Variants in PHF1 observed in about 807,000 individuals in gnomAD.
PHF1 encodes PHD finger protein 1.
Under a neutral mutation model 69.4 loss-of-function variants are expected in PHF1, and 16 were observed. The ratio of observed to expected loss-of-function variants is 0.23; its 90% CI spans 0.16 to 0.35. The LOEUF is 0.35. Among genes scored for constraint, PHF1 ranks in the 10% least tolerant of loss-of-function variants. The pLI is 1.00. For missense variants in PHF1, 515 were observed against 732.8 expected (o/e 0.70, Z 3.43); for synonymous variants, 274 against 275.0 (o/e 1.00, Z 0.04).
At position 33,416,208 on chromosome 6, in the gene PHF1, C is replaced by T; in HGVS notation, c.*110C>T. On this transcript the variant is annotated 3_prime_UTR_variant, in exon 15 of 15. Coordinates refer to ENST00000374516, the MANE Select transcript of PHF1 (RefSeq NM_024165.3). ...ACCTGGAGAGATAGGGGGTAGTTCT[C>T]CCTACTGCCCAGGCTGGAATCCAAG... The T allele has an allele frequency of 3.3e-6, 3 of 916,218 alleles. No homozygotes were observed. The highest frequency in any genetic ancestry group is 4.7e-6 in the Non-Finnish European group (3 of 640,726). The allele number at this position is 916,218 out of a possible 1,614,324, so 56.8% of individuals were successfully genotyped here.
At position 33,415,745 on chromosome 6, in the gene PHF1, T is replaced by G. The variant is rs1776426254; in HGVS notation, c.1416-65T>G. 5 of 1,603,840 alleles carry G rather than the reference T, an allele frequency of 3.1e-6. No homozygotes were observed. In the Admixed American group the frequency reaches 8.4e-5, roughly 27 times the overall value. Reference sequence around the variant, plus strand: ...GCTCAAGGCTCTTAGTCTCTAACACTGTTTCTCTGATTCACATGTGCTCTC... The same window carrying G: ...GCTCAAGGCTCTTAGTCTCTAACACGGTTTCTCTGATTCACATGTGCTCTC... On this transcript the variant is annotated intron_variant, in intron 14 of 14. Transcript: ENST00000374516.
rs2151111059 is a variant in PHF1, at chr6:33,415,068, G to A, written c.1163G>A (p.Gly388Glu). The change falls in exon 12 of 15, where the codon GGG (glycine) becomes GAG (glutamate). Residue 388 changes from glycine (G) to glutamate (E), a missense_variant. Physicochemically the swap from Gly to Glu is moderately conservative, Grantham distance 98. Coordinates refer to ENST00000374516, the MANE Select transcript of PHF1 (RefSeq NM_024165.3). ...CAGAAGGGGAAAGTGGAGGAGCTGG[G>A]GCCACCCTCAGCAGTGCGCAATCAG... ...RRQKGKVEEL[G>E]PPSAVRNQPE... The A allele has an allele frequency of 6.2e-7, 1 of 1,610,344 alleles. No homozygotes were observed. The highest frequency in any genetic ancestry group is 2.2e-5 in the East Asian group (1 of 44,638).
chr6:33,412,870 T>C lies in PHF1; in HGVS notation c.337+77T>C, dbSNP rs774706003. ...GTCTCTATATCACCTGTCCTGGCCT[T>C]AGTCCCCAAGCCACTGCTCTGGCCA... On this transcript the variant is annotated intron_variant, in intron 4 of 14. Transcript: ENST00000374516. This position sits in a 1 kb window ranked among gnomAD's most constrained non-coding sequence, Gnocchi z 4.2. 12 of 1,237,072 alleles carry C rather than the reference T, an allele frequency of 9.7e-6. No individual in the cohort carries two copies. Among genetic ancestry groups the C allele is most frequent in the Non-Finnish European group, 1.4e-5 (12 of 841,194 alleles). The allele number at this position is 1,237,072 out of a possible 1,614,324, so 76.6% of individuals were successfully genotyped here. A position where few individuals can be genotyped will look rare whatever the true frequency, so the allele number is the denominator to read the frequency against.
rs1562855179 is a variant in PHF1, at chr6:33,414,596, G to A, written c.944+52G>A. The A allele has an allele frequency of 1.8e-5, 28 of 1,596,572 alleles. No individual in the cohort carries two copies. The highest frequency in any genetic ancestry group is 2.4e-5 in the Non-Finnish European group (28 of 1,164,548). On this transcript the variant is annotated intron_variant, in intron 10 of 14. Transcript: ENST00000374516. The surrounding 1 kb of genome is among the most constrained non-coding windows in gnomAD (Gnocchi z 5.0). Reference sequence around the variant, plus strand: ...GATGAGGCTCGGAAAGAGATGGAGAGTGGAAGCCTGGAAGGGGAGGGGCTT... The same window carrying A: ...GATGAGGCTCGGAAAGAGATGGAGAATGGAAGCCTGGAAGGGGAGGGGCTT...
Position 33,415,664 on chromosome 6 carries a change from C to T in PHF1, c.1409C>T (p.Pro470Leu). 6.2e-7 allele frequency: 1 copy of T among 1,613,920 alleles called. No homozygotes were observed. Among genetic ancestry groups the T allele is most frequent in the Non-Finnish European group, 8.5e-7 (1 of 1,179,808 alleles). Residue 470 changes from proline (P) to leucine (L), a missense_variant, in exon 14 of 15, where the codon CCA becomes CTA. Transcript: ENST00000374516. ...TAGTSGDSGP[P>L]DRSPLELHIG... ...GGGACCTCTGGGGACAGTGGACCCC[C>T]AGACAGGTGAGATTCTGTCTTCTAT...
rs1776287326 is a variant in PHF1 at position 33,414,425 on chromosome 6, G to C, written c.877-52G>C. On this transcript the variant is annotated intron_variant, in intron 9 of 14. Coordinates refer to ENST00000374516, the MANE Select transcript of PHF1 (RefSeq NM_024165.3). The surrounding 1 kb of genome is among the most constrained non-coding windows in gnomAD (Gnocchi z 5.0). ...GGACAGGGAGATGTAGCGGAAAGGG[G>C]AAGAGAAGAAATCACTGCTCCCCTG... The C allele has an allele frequency of 6.2e-7, 1 of 1,613,634 alleles. No individual in the cohort carries two copies. The highest frequency in any genetic ancestry group is 1.3e-5 in the African/African-American group (1 of 74,846).
In PHF1 at chr6:33,414,489, C is replaced by T; in HGVS notation, c.889C>T (p.Pro297Ser). 2 of 1,613,956 alleles carry T rather than the reference C, an allele frequency of 1.2e-6. No individual in the cohort carries two copies. The highest frequency in any genetic ancestry group is 1.7e-6 in the Non-Finnish European group (2 of 1,179,920). ...SLLLGELSDT[P>S]KGERSSRLLS... Reference sequence around the variant, plus strand: ...TCATTTCTCCCAGCTTTCAGACACCCCCAAAGGAGAACGTTCTTCCAGGCT... The same window carrying T: ...TCATTTCTCCCAGCTTTCAGACACCTCCAAAGGAGAACGTTCTTCCAGGCT... Residue 297 changes from proline to serine, a missense_variant, in exon 10 of 15, where the codon CCC (proline) becomes TCC (serine). This residue lies in a region of PHF1 where 142 missense variants were observed against 309.7 expected (regional missense o/e 0.46). Coordinates refer to ENST00000374516, the MANE Select transcript of PHF1 (RefSeq NM_024165.3). The surrounding 1 kb of genome is among the most constrained non-coding windows in gnomAD (Gnocchi z 5.0).
In PHF1 at chr6:33,413,226, C is replaced by T. The variant is rs768780021; in HGVS notation, c.368C>T (p.Ala123Val). 1 of 1,614,028 alleles carries T rather than the reference C, an allele frequency of 6.2e-7. No individual in the cohort carries two copies. Among genetic ancestry groups the T allele is most frequent in the Non-Finnish European group, 8.5e-7 (1 of 1,179,982 alleles). The change falls in exon 5 of 15, where the codon GCT (alanine) becomes GTT (valine). Residue 123 changes from alanine to valine, a missense_variant. Transcript: ENST00000374516. The stretch of plus-strand genomic sequence containing the variant: ...CACCAGGACTGCCATGTTCCCAGGG[C>T]TCCAGCCCCTGGAGAGGGAGAGGGC... ...AYHQDCHVPRAPAPGEGEGTS... is the reference protein window; with the variant it reads ...AYHQDCHVPRVPAPGEGEGTS...
Position 33,415,267 on chromosome 6 carries a change from C to G in PHF1, c.1272C>G (p.Asn424Lys), listed in dbSNP as rs150787838. The G allele has an allele frequency of 1.2e-6, 2 of 1,613,824 alleles. No homozygotes were observed. The highest frequency in any genetic ancestry group is 8.5e-7 in the Non-Finnish European group (1 of 1,179,922). ...TGTCTCCACCATCCCCCAGCCCTAACCAGAGTTACCAGGGCAGCAGCGGCT... is the reference window on the plus strand; with the variant it reads ...TGTCTCCACCATCCCCCAGCCCTAAGCAGAGTTACCAGGGCAGCAGCGGCT... Reference protein sequence around the residue: ...ASVSPPSPSPNQSYQGSSGYN... With the variant: ...ASVSPPSPSPKQSYQGSSGYN... The change falls in exon 13 of 15, where the codon AAC becomes AAG. Residue 424 changes from asparagine to lysine, a missense_variant. Transcript: ENST00000374516.
chr6:33,415,770 C>T (rs992677419), intron 14 of PHF1, 40 bp from the exon 15 acceptor site: 4 of 1,596,540 alleles, frequency 2.5e-6, no homozygotes, highest in Non-Finnish European at 8.6e-7. Flanking sequence ...CATGTGCTCT[C>T]CATTTCTGCC....
rs988553563 is a variant in PHF1 at position 33,414,199 on chromosome 6, G to A, written c.753-44G>A. 1.2e-6 allele frequency: 2 copies of A among 1,613,992 alleles called. No homozygotes were observed. The highest frequency in any genetic ancestry group is 1.7e-6 in the Non-Finnish European group (2 of 1,179,908). ...AACCTCCCACCTCAGGACTCCCCTG[G>A]CTCTTAAAATGCCTCTGTGGTCTTG... On this transcript the variant is annotated intron_variant, in intron 8 of 14. Coordinates refer to ENST00000374516, the MANE Select transcript of PHF1 (RefSeq NM_024165.3). The surrounding 1 kb of genome is among the most constrained non-coding windows in gnomAD (Gnocchi z 5.0).
At position 33,415,791 on chromosome 6, in the gene PHF1, AAT is replaced by A; in HGVS notation, c.1416-18_1416-17del. The A allele has an allele frequency of 1.3e-6, 2 of 1,594,786 alleles. No homozygotes were observed. The highest frequency in any genetic ancestry group is 8.6e-7 in the Non-Finnish European group (1 of 1,166,354). On this transcript the variant is annotated splice_polypyrimidine_tract_variant and intron_variant, in intron 14 of 14. Transcript: ENST00000374516. ...CTCTCCATTTCTGCCCATTTCTTAC[AAT>A]TGCCTTCTCTCCCTAGGTCACCCCT... is the stretch of plus-strand genomic sequence containing the variant.
upstream of PHF1, chr6:33,410,650 G>A (rs1775956731): frequency 7.0e-6 from 1 of 142,516 alleles, no homozygotes. Context: ...GTGAACTGGG[G>A]CCGGGGGGCG....
chr6:33,413,599 G>GGT (rs1776235080), intron 6 of PHF1, 42 bp downstream of exon 6: 4 of 1,612,312 alleles, frequency 2.5e-6, no homozygotes, highest in African/African-American at 1.3e-5. Context: ...TGAATGATGT[G>GGT]GTGGTGGATC....
At position 33,412,937 on chromosome 6, in the gene PHF1, A is replaced by T; in HGVS notation, c.337+144A>T. 2 of 743,432 alleles carry T rather than the reference A, an allele frequency of 2.7e-6. No individual in the cohort carries two copies. The highest frequency in any genetic ancestry group is 2.3e-6 in the Non-Finnish European group (1 of 436,942). The allele number at this position is 743,432 out of a possible 1,614,324, so 46.1% of individuals were successfully genotyped here. A position where few individuals can be genotyped will look rare whatever the true frequency, so the allele number is the denominator to read the frequency against. On this transcript the variant is annotated intron_variant, in intron 4 of 14. Transcript: ENST00000374516. The surrounding 1 kb of genome is among the most constrained non-coding windows in gnomAD (Gnocchi z 4.2). ...CTTAGTCCTCATCCGCTTTCAGCCC[A>T]GGGAGAAGCAGCCATGGAAAGGGGT...
In PHF1 at chr6:33,412,454, G is replaced by A. The variant is rs764113456; in HGVS notation, c.159+32G>A. ...CCTTCTACCTCTGACCTTCTTCCTAGTTCCCTTATCTAATTCTGGTTCCCA... is the reference window on the plus strand; with the variant it reads ...CCTTCTACCTCTGACCTTCTTCCTAATTCCCTTATCTAATTCTGGTTCCCA... On this transcript the variant is annotated intron_variant, in intron 2 of 14. Transcript: ENST00000374516. The surrounding 1 kb of genome is among the most constrained non-coding windows in gnomAD (Gnocchi z 4.2). The A allele has an allele frequency of 1.9e-6, 3 of 1,614,210 alleles. No individual in the cohort carries two copies. The highest frequency in any genetic ancestry group is 1.6e-4 in the Middle Eastern group (1 of 6,062).
At chr6:33,413,869 CCT>C (rs1562853717) in intron 7 of PHF1, 38 bp downstream of exon 7, 7 of 1,583,566 alleles carry the variant, frequency 4.4e-6, no homozygotes, top group Non-Finnish European at 6.1e-6. Context: ...CCAAGGATGC[CCT>C]CTTTCTTCGT....
rs759731623 is a variant in PHF1 at position 33,416,432 on chromosome 6, TAAAC to T, written c.*338_*341del. On this transcript the variant is annotated 3_prime_UTR_variant, in exon 15 of 15. Coordinates refer to ENST00000374516, the MANE Select transcript of PHF1 (RefSeq NM_024165.3). ...TCTGTATGATTGAAATAAAGAGAAATAAACAAATCTAGCAGCTCTGAGTCATTCT... is the reference window on the plus strand; with the variant it reads ...TCTGTATGATTGAAATAAAGAGAAATAAATCTAGCAGCTCTGAGTCATTCT... 30 of 550,994 alleles carry T rather than the reference TAAAC, an allele frequency of 5.4e-5. No homozygotes were observed. The highest frequency in any genetic ancestry group is 5.2e-4 in the South Asian group (19 of 36,364). 34.1% of individuals were successfully genotyped at this position (550,994 alleles called of 1,614,324 possible).
rs778609043 is a variant in PHF1 at position 33,412,556 on chromosome 6, C to G, written c.208C>G (p.Gln70Glu). Residue 70 changes from glutamine to glutamate, a missense_variant, in exon 3 of 15, where the codon CAG becomes GAG. Gln to Glu is a conservative substitution (Grantham distance 29, BLOSUM62 2). Transcript: ENST00000374516. The surrounding 1 kb of genome is among the most constrained non-coding windows in gnomAD (Gnocchi z 4.2). ...TCTGGTCCAGTTTGAGGATGATTCG[C>G]AGTTTCTGGTTCTATGGAAAGACAT... ...VCLVQFEDDS[Q>E]FLVLWKDISP... 6.2e-7 allele frequency: 1 copy of G among 1,614,088 alleles called. No individual in the cohort carries two copies. The highest frequency in any genetic ancestry group is 1.3e-5 in the African/African-American group (1 of 74,928).
Sources: gnomAD v4.1 joint callset for allele counts on GRCh38, gnomAD v4.1.1 for gene constraint, gnomAD v4.1.1 regional missense constraint, Gnocchi (gnomAD v3.1) non-coding constraint, MANE v1.5 for transcripts, NCBI Gene and HGNC (gene_info 2026-07-23, HGNC 2026-07-21) for gene names.